SMPD1: variants seen among roughly 807,000 people sequenced by gnomAD.
SMPD1 encodes sphingomyelin phosphodiesterase 1, also known as sphingomyelin phosphodiesterase.
In SMPD1, 47 loss-of-function variants were observed where a neutral mutation model predicts 49.7. The ratio of observed to expected loss-of-function variants is 0.95; its 90% CI spans 0.75 to 1.21. The LOEUF is 1.21. SMPD1 is among the 50% of genes most tolerant of loss of function. The pLI, the probability that SMPD1 is intolerant of heterozygous loss-of-function variation, is 0.00. For missense variants in SMPD1, 811 were observed against 822.2 expected, an observed-to-expected ratio of 0.99 and a Z score of 0.17; for synonymous variants, 336 against 339.6, an observed-to-expected ratio of 0.99 and a Z score of 0.12.
chr11:6,393,963 G>A lies in SMPD1; in HGVS notation c.1408G>A (p.Asp470Asn). 1 of 1,614,216 alleles carries A rather than the reference G, an allele frequency of 6.2e-7. No individual in the cohort carries two copies. Among genetic ancestry groups the A allele is most frequent in the Non-Finnish European group, 8.5e-7 (1 of 1,180,032 alleles). Residue 470 changes from aspartate (D) to asparagine (N), a missense_variant, in exon 5 of 6, where the codon GAT (aspartate) becomes AAT (asparagine). Asp to Asn is a conservative substitution (Grantham distance 23). Coordinates refer to ENST00000342245, the MANE Select transcript of SMPD1 (RefSeq NM_000543.5). Reference sequence around the variant, plus strand: ...TGTGGATGAATTTGAGGTCTTCTATGATGAAGAGACTCTGAGCCGGCCGCT... The same window carrying A: ...TGTGGATGAATTTGAGGTCTTCTATAATGAAGAGACTCTGAGCCGGCCGCT... Reference protein sequence around the residue: ...THVDEFEVFYDEETLSRPLAV... With the variant: ...THVDEFEVFYNEETLSRPLAV...
Position 6,392,170 on chromosome 11 carries a change from G to A in SMPD1, c.1091+14G>A, listed in dbSNP as rs753809177. On this transcript the variant is annotated intron_variant, in intron 2 of 5. Transcript: ENST00000342245. Reference sequence around the variant, plus strand: ...GCGCACCCTCAGGTACTTATCGTCCGTGGAAACCCAGGAAGGGAAAAGAAA... The same window carrying A: ...GCGCACCCTCAGGTACTTATCGTCCATGGAAACCCAGGAAGGGAAAAGAAA... 6.8e-6 allele frequency: 11 copies of A among 1,614,084 alleles called. No homozygotes were observed. Among genetic ancestry groups the A allele is most frequent in the Admixed American group, 5.0e-5 (3 of 60,020 alleles).
chr11:6,391,853 T>A lies in SMPD1; in HGVS notation c.788T>A (p.Leu263Ter), dbSNP rs120074120. The stretch of plus-strand genomic sequence containing the variant: ...CCCCTGAGGACCCTGGAGAGCCTGT[T>A]GAGTGGGCTGGGCCCAGCCGGCCCT... ...DLPLRTLESL[L>*]SGLGPAGPFD... The change falls in exon 2 of 6, where the codon TTG (leucine) becomes TAG (stop). Residue 263 changes from leucine (L) to a stop codon, truncating the protein, a stop_gained. Transcript: ENST00000342245. LOFTEE classifies it high-confidence loss of function. 6.2e-7 allele frequency: 1 copy of A among 1,613,886 alleles called. No homozygotes were observed. Among genetic ancestry groups the A allele is most frequent in the South Asian group, 1.1e-5 (1 of 91,088 alleles).
In SMPD1 at chr11:6,391,908, C is replaced by T. The variant is rs1457587365; in HGVS notation, c.843C>T (p.Ile281=). 1.2e-6 allele frequency: 2 copies of T among 1,614,076 alleles called. No individual in the cohort carries two copies. The highest frequency in any genetic ancestry group is 1.6e-4 in the Middle Eastern group (1 of 6,084). Residue 281 remains isoleucine, a synonymous_variant, in exon 2 of 6, where the codon ATC becomes ATT. Transcript: ENST00000342245. The part of the protein sequence containing the change: ...PFDMVYWTGD[I]PAHDVWHQTR... ...ATATGGTGTACTGGACAGGAGACAT[C>T]CCCGCACATGATGTCTGGCACCAGA...
At chr11:6,392,329 C>CTTTTTTTTTTTTTTT (rs756326903) in intron 2 of SMPD1, 173 bp downstream of exon 2, 8 of 404,218 alleles carry the variant, frequency 2.0e-5, no homozygotes, top group African/African-American at 3.0e-5. Context: ...CCGCACCAGG[C>CTTTTTTTTTTTTTTT]TTTTTTTTTT....
intron 3 of SMPD1, 24 bp downstream of exon 3, chr11:6,393,411 G>C (rs373394738): frequency 1.2e-6 from 2 of 1,603,706 alleles, no homozygotes; most frequent in African/African-American, 1.3e-5. Context: ...GTGGGAACAC[G>C]GTGGTGCTGG....
Position 6,394,693 on chromosome 11 carries a change from TC to T in SMPD1, c.*87del. The T allele has an allele frequency of 8.6e-7, 1 of 1,162,958 alleles. No homozygotes were observed. 72.0% of individuals were successfully genotyped at this position (1,162,958 alleles called of 1,614,324 possible). A position where few individuals can be genotyped will look rare whatever the true frequency, so the allele number is the denominator to read the frequency against. On this transcript the variant is annotated 3_prime_UTR_variant, in exon 6 of 6. Coordinates refer to ENST00000342245, the MANE Select transcript of SMPD1 (RefSeq NM_000543.5). ...GCTGCTGTGGTTCAACCAGGCAAGATCATCCGGTGAAAGAACCAGTCCCTGG... is the reference window on the plus strand; with the variant it reads ...GCTGCTGTGGTTCAACCAGGCAAGATATCCGGTGAAAGAACCAGTCCCTGG...
chr11:6,391,360 C>T lies in SMPD1; in HGVS notation c.319-24C>T, dbSNP rs560680564. 163 of 1,611,560 alleles carry T rather than the reference C, an allele frequency of 1.0e-4. 3 individuals carry two copies. The South Asian group carries it at 1.6e-3, about 16-fold the overall frequency. On this transcript the variant is annotated intron_variant, in intron 1 of 5. Coordinates refer to ENST00000342245, the MANE Select transcript of SMPD1 (RefSeq NM_000543.5). The stretch of plus-strand genomic sequence containing the variant: ...TTCCTCTGCTCTGCCTCTGATTTCT[C>T]ACCATGCGCTCCTCCCACTGCAGAA...
Position 6,391,623 on chromosome 11 carries a change from G to GGCC in SMPD1, c.558_559insGCC (p.Pro186_Pro187insAla). 1.4e-6 allele frequency: 2 copies of GGCC among 1,466,592 alleles called. No homozygotes were observed. The highest frequency in any genetic ancestry group is 1.8e-6 in the Non-Finnish European group (2 of 1,087,594). The allele number at this position is 1,466,592 out of a possible 1,614,324, so 90.8% of individuals were successfully genotyped here. A position where few individuals can be genotyped will look rare whatever the true frequency, so the allele number is the denominator to read the frequency against. On this transcript the variant is annotated inframe_insertion, in exon 2 of 6. Coordinates refer to ENST00000342245, the MANE Select transcript of SMPD1 (RefSeq NM_000543.5). ...TCTCTTTGCCTACTGTGCCGAAGCCGCCCCCCAAACCCCCTAGCCCCCCAG... is the reference window on the plus strand; with the variant it reads ...TCTCTTTGCCTACTGTGCCGAAGCCGGCCCCCCCCAAACCCCCTAGCCCCCCAG...
chr11:6,394,978 A>G lies in SMPD1; in HGVS notation c.*371A>G. ...ATGCTGCCAGTCTGTTAAAATAAAG[A>G]TAAGAGACTTGGACTCCAGACCCCT... On this transcript the variant is annotated 3_prime_UTR_variant, in exon 6 of 6. Transcript: ENST00000342245. The G allele has an allele frequency of 3.2e-6, 1 of 311,916 alleles. No homozygotes were observed. The highest frequency in any genetic ancestry group is 6.0e-6 in the Non-Finnish European group (1 of 165,516). 19.3% of individuals were successfully genotyped at this position (311,916 alleles called of 1,614,324 possible). A position where few individuals can be genotyped will look rare whatever the true frequency, so the allele number is the denominator to read the frequency against.
In SMPD1 at chr11:6,394,720, G is replaced by T; in HGVS notation, c.*113G>T. 1 of 908,482 alleles carries T rather than the reference G, an allele frequency of 1.1e-6. No homozygotes were observed. Among genetic ancestry groups the T allele is most frequent in the South Asian group, 1.4e-5 (1 of 69,588 alleles). 56.3% of individuals were successfully genotyped at this position (908,482 alleles called of 1,614,324 possible). A position where few individuals can be genotyped will look rare whatever the true frequency, so the allele number is the denominator to read the frequency against. On this transcript the variant is annotated 3_prime_UTR_variant, in exon 6 of 6. Coordinates refer to ENST00000342245, the MANE Select transcript of SMPD1 (RefSeq NM_000543.5). ...ATCCGGTGAAAGAACCAGTCCCTGG[G>T]CCCCAAGGATGCCGGGGAAACAGGA...
rs79282481 is a variant in SMPD1 at position 6,390,554 on chromosome 11, G to C, written c.-45G>C. 4,493 of 1,595,576 alleles carry C rather than the reference G, an allele frequency of 2.8e-3. 125 individuals are homozygous for C. In the African/African-American group the frequency reaches 0.054, roughly 19 times the overall value. Reference sequence around the variant, plus strand: ...TGAGGGCTGGCTAGGGTCCAGGCCGGGGGGGACGGGACAGACGAACCAGCC... The same window carrying C: ...TGAGGGCTGGCTAGGGTCCAGGCCGCGGGGGACGGGACAGACGAACCAGCC... On this transcript the variant is annotated 5_prime_UTR_variant, in exon 1 of 6. Transcript: ENST00000342245.
rs768903533 is a variant in SMPD1, at chr11:6,394,030, G to A, written c.1475G>A (p.Gly492Asp). The A allele has an allele frequency of 7.4e-6, 12 of 1,614,170 alleles. No homozygotes were observed. Among genetic ancestry groups the A allele is most frequent in the Non-Finnish European group, 1.0e-5 (12 of 1,180,040 alleles). ...GCACCCAGTGCAACTACCTACATCG[G>A]CCTTAATCCTGGTGAGTGAGGCAGA... ...FLAPSATTYI[G>D]LNPGYRVYQI... Residue 492 changes from glycine (G) to aspartate (D), a missense_variant, in exon 5 of 6, where the codon GGC becomes GAC. Gly to Asp is a moderately conservative substitution (Grantham distance 94). Transcript: ENST00000342245.
chr11:6,394,006 C>A lies in SMPD1; in HGVS notation c.1451C>A (p.Ala484Glu), dbSNP rs267607075. ...LSRPLAVAFLAPSATTYIGLN... is the reference protein window; with the variant it reads ...LSRPLAVAFLEPSATTYIGLN... ...CGGCCGCTGGCTGTAGCCTTCCTGGCACCCAGTGCAACTACCTACATCGGC... is the reference window on the plus strand; with the variant it reads ...CGGCCGCTGGCTGTAGCCTTCCTGGAACCCAGTGCAACTACCTACATCGGC... The change falls in exon 5 of 6, where the codon GCA becomes GAA. Residue 484 changes from alanine to glutamate, a missense_variant. Coordinates refer to ENST00000342245, the MANE Select transcript of SMPD1 (RefSeq NM_000543.5). 1.9e-6 allele frequency: 3 copies of A among 1,614,202 alleles called. No individual in the cohort carries two copies. The highest frequency in any genetic ancestry group is 2.5e-6 in the Non-Finnish European group (3 of 1,180,042).
intron 3 of SMPD1, 61 bp from the exon 4 acceptor site, chr11:6,393,556 C>A: frequency 6.9e-7 from 1 of 1,453,000 alleles, no homozygotes; most frequent in Non-Finnish European, 9.7e-7. Flanking sequence ...CCCCCTTTCT[C>A]TAGCCAGGGC....
At position 6,391,923 on chromosome 11, in the gene SMPD1, C is replaced by T. The variant is rs1194457629; in HGVS notation, c.858C>T (p.Val286=). 5 of 1,614,134 alleles carry T rather than the reference C, an allele frequency of 3.1e-6. No individual in the cohort carries two copies. Among genetic ancestry groups the T allele is most frequent in the Non-Finnish European group, 3.4e-6 (4 of 1,180,048 alleles). The change falls in exon 2 of 6, where the codon GTC becomes GTT. Residue 286 remains valine (V), a synonymous_variant. Transcript: ENST00000342245. Reference sequence around the variant, plus strand: ...CAGGAGACATCCCCGCACATGATGTCTGGCACCAGACTCGTCAGGACCAAC... The same window carrying T: ...CAGGAGACATCCCCGCACATGATGTTTGGCACCAGACTCGTCAGGACCAAC... ...YWTGDIPAHD[V]WHQTRQDQLR... is the part of the protein sequence containing the mutation.
intron 1 of SMPD1, 127 bp downstream of exon 1, chr11:6,391,043 A>C (rs1847887602): frequency 3.2e-6 from 4 of 1,262,912 alleles, no homozygotes; most frequent in Non-Finnish European, 4.5e-6. Context: ...ACAATCCATC[A>C]CTGAGTTTGC....
rs768265842 is a variant in SMPD1, at chr11:6,391,617, G to A, written c.552G>A (p.Pro184=). ...SSWNISLPTV[P]KPPPKPPSPP... ...GGAACATCTCTTTGCCTACTGTGCC[G>A]AAGCCGCCCCCCAAACCCCCTAGCC... Residue 184 remains proline, a synonymous_variant, in exon 2 of 6, where the codon CCG becomes CCA. Transcript: ENST00000342245. 52 of 1,570,000 alleles carry A rather than the reference G, an allele frequency of 3.3e-5. No individual in the cohort carries two copies. Among genetic ancestry groups the A allele is most frequent in the Non-Finnish European group, 3.9e-5 (45 of 1,157,936 alleles).
chr11:6,394,596 C>T lies in SMPD1; in HGVS notation c.1885C>T (p.Leu629=), dbSNP rs776370511. Residue 629 remains leucine (L), a synonymous_variant, in exon 6 of 6, where the codon CTG becomes TTG. Coordinates refer to ENST00000342245, the MANE Select transcript of SMPD1 (RefSeq NM_000543.5). ...GGCCCAGAGCCTGTGGCCAAGGCCACTGTTTTGCTAGGGCCCCAGGGCCCA... is the reference window on the plus strand; with the variant it reads ...GGCCCAGAGCCTGTGGCCAAGGCCATTGTTTTGCTAGGGCCCCAGGGCCCA... ...PEAQSLWPRP[L]FC 2 of 1,602,464 alleles carry T rather than the reference C, an allele frequency of 1.2e-6. No individual in the cohort carries two copies. Among genetic ancestry groups the T allele is most frequent in the Admixed American group, 1.7e-5 (1 of 60,004 alleles).
intron 3 of SMPD1, 63 bp from the exon 4 acceptor site, chr11:6,393,554 C>T: frequency 6.9e-7 from 1 of 1,448,952 alleles, no homozygotes; most frequent in South Asian, 1.1e-5. Context: ...GTCCCCCTTT[C>T]TCTAGCCAGG....
Sources: allele counts gnomAD v4.1 joint callset, GRCh38; gene constraint gnomAD v4.1.1; transcripts MANE v1.5; gene names NCBI Gene and HGNC (gene_info 2026-07-23, HGNC 2026-07-21).